Variants in ENPP1 observed in about 807,000 individuals in gnomAD.
The protein encoded by ENPP1 is ectonucleotide pyrophosphatase/phosphodiesterase family member 1.
ENPP1 carries 73 observed loss-of-function variants against 122.8 expected under a neutral mutation model. That is an observed-to-expected ratio of 0.59 (90% CI 0.49 to 0.72). The LOEUF is 0.72. Among genes scored for constraint, ENPP1 ranks in the 30% least tolerant of loss-of-function variants. The probability of loss-of-function intolerance (pLI) is 0.00; values close to 1 mark genes in which losing one functional copy is unlikely to be tolerated. For synonymous variants in ENPP1, 367 were observed against 391.6 expected, an observed-to-expected ratio of 0.94 and a Z score of 0.74; for missense variants, 978 against 1,128.1, an observed-to-expected ratio of 0.87 and a Z score of 1.91.
chr6:131,856,206 CTTTGAAG>C (rs911343145), intron 6 of ENPP1, among the ~76,000 whole-genome samples: 3 of 152,100 alleles, frequency 2.0e-5, no homozygotes, highest in Non-Finnish European at 2.9e-5. Context: ...GGCCTGTGGC[CTTTGAAG>C]TTTAAATACA....
intron 7 of ENPP1, 35 bp from the exon 8 acceptor site, chr6:131,860,352 C>G (rs201328341): frequency 1.3e-6 from 2 of 1,521,322 alleles, no homozygotes; most frequent in East Asian, 4.5e-5. Context: ...ATTAAGTAAA[C>G]ACAACTTGCA....
intron 13 of ENPP1, among the ~76,000 whole-genome samples, chr6:131,871,066 C>G (rs962475251): frequency 6.6e-6 from 1 of 151,498 alleles, no homozygotes; most frequent in African/African-American, 2.4e-5. Flanking sequence ...CAGAGAGAGA[C>G]TCCATCTAAA....
chr6:131,891,908 C>T lies in ENPP1; in HGVS notation c.*1397C>T, dbSNP rs562096055. ...TGTCTAATCTGTTCTGCTGTTGAGC[C>T]CATTTATTCCTGATTTTTATATTTT... On this transcript the variant is annotated 3_prime_UTR_variant, in exon 25 of 25. Transcript: ENST00000647893. 1.3e-5 allele frequency: 2 copies of T among 151,652 alleles called. No individual in the cohort carries two copies. Among genetic ancestry groups the T allele is most frequent in the South Asian group, 4.2e-4 (2 of 4,764 alleles). The allele number at this position is 151,652 out of a possible 1,614,324, so 9.4% of individuals were successfully genotyped here. A position where few individuals can be genotyped will look rare whatever the true frequency, so the allele number is the denominator to read the frequency against.
rs1311950918 is a variant in ENPP1, at chr6:131,892,396, C to T, written c.*1885C>T. On this transcript the variant is annotated 3_prime_UTR_variant, in exon 25 of 25. Transcript: ENST00000647893. ...TTTATACTGAGTAACAGGGTCCCCT[C>T]ATTACTACTGGGCAAGGTGAGAATT... 1 of 152,196 alleles carries T rather than the reference C, an allele frequency of 6.6e-6. No individual in the cohort carries two copies. Among genetic ancestry groups the T allele is most frequent in the Non-Finnish European group, 1.5e-5 (1 of 68,044 alleles). 9.4% of individuals were successfully genotyped at this position (152,196 alleles called of 1,614,324 possible).
Position 131,881,351 on chromosome 6 carries a change from A to T in ENPP1, c.2101-994A>T, listed in dbSNP as rs150866025. On this transcript the variant is annotated intron_variant, in intron 20 of 24. Coordinates refer to ENST00000647893, the MANE Select transcript of ENPP1 (RefSeq NM_006208.3). Reference sequence around the variant, plus strand: ...TTGACTTTGTAATTGATCAGTCTACACCATTTTTCATAGGCACCCCATCCT... The same window carrying T: ...TTGACTTTGTAATTGATCAGTCTACTCCATTTTTCATAGGCACCCCATCCT... Among the ~76,000 whole-genome samples the T allele has an allele frequency of 2.6e-5, 4 of 152,298 alleles. No homozygotes were observed. The East Asian group carries it at 7.7e-4, about 29-fold the overall frequency.
chr6:131,859,879 G>A (rs762771969), intron 7 of ENPP1, among the ~76,000 whole-genome samples: 1 of 152,180 alleles, frequency 6.6e-6, no homozygotes, highest in African/African-American at 2.4e-5. Context: ...AGGGAGTGAG[G>A]CCCTCAGCAA....
rs144762717 is a variant in ENPP1 at position 131,828,615 on chromosome 6, A to G, written c.241-19161A>G. ...TTTCCTGTCTTTGGCCACAGGGTCA[A>G]TGATGGATGAGGCTAATGAGTGTGG... On this transcript the variant is annotated intron_variant, in intron 1 of 24. Transcript: ENST00000647893. Among the ~76,000 whole-genome samples, 184 of 152,306 alleles carry G rather than the reference A, an allele frequency of 1.2e-3. 1 individual carries two copies. Among genetic ancestry groups the G allele is most frequent in the African/African-American group, 4.2e-3 (173 of 41,572 alleles).
intron 1 of ENPP1, among the ~76,000 whole-genome samples, chr6:131,837,381 C>A (rs1007698517): frequency 6.6e-6 from 1 of 151,792 alleles, no homozygotes; most frequent in Non-Finnish European, 1.5e-5. Context: ...CAAAACTTAG[C>A]CGGGTGTGGT....
At chr6:131,881,789 C>T (rs749612055) in intron 20 of ENPP1, among the ~76,000 whole-genome samples, 7 of 151,890 alleles carry the variant, frequency 4.6e-5, no homozygotes, top group South Asian at 2.1e-4. Context: ...GGGGCTGCAG[C>T]GGATGGATCA....
At chr6:131,849,031 T>C (rs1781847924) in intron 2 of ENPP1, among the ~76,000 whole-genome samples, 1 of 152,176 alleles carries the variant, frequency 6.6e-6, no homozygotes, top group African/African-American at 2.4e-5. Context: ...TTATTTTCCA[T>C]GTGTTCCTTT....
intron 18 of ENPP1, among the ~76,000 whole-genome samples, chr6:131,878,104 G>C (rs542268328): frequency 2.6e-5 from 4 of 151,522 alleles, no homozygotes; most frequent in African/African-American, 9.7e-5. Context: ...CATCAAAAAT[G>C]TAACTTCTGT....
Position 131,808,169 on chromosome 6 carries a change from C to T in ENPP1, c.134C>T (p.Ala45Val), listed in dbSNP as rs1393110344. The T allele has an allele frequency of 1.6e-5, 24 of 1,459,844 alleles. No individual in the cohort carries two copies. The highest frequency in any genetic ancestry group is 3.0e-5 in the East Asian group (1 of 33,490). The allele number at this position is 1,459,844 out of a possible 1,614,324, so 90.4% of individuals were successfully genotyped here. Reference protein sequence around the residue: ...HAAEAPGDPQAAASLLAPMDV... With the variant: ...HAAEAPGDPQVAASLLAPMDV... ...GCCGAGGCGCCCGGGGACCCGCAGG[C>T]GGCCGCGTCCTTGCTGGCCCCTATG... Residue 45 changes from alanine to valine, a missense_variant, in exon 1 of 25, where the codon GCG (alanine) becomes GTG (valine). Ala to Val is a moderately conservative substitution (Grantham distance 64). Coordinates refer to ENST00000647893, the MANE Select transcript of ENPP1 (RefSeq NM_006208.3).
intron 1 of ENPP1, 30 bp from the exon 2 acceptor site, chr6:131,847,746 A>G: frequency 6.9e-7 from 1 of 1,453,532 alleles, no homozygotes; most frequent in Non-Finnish European, 9.6e-7. Context: ...TAAAAAAGAA[A>G]CCATGTAATT....
At position 131,826,056 on chromosome 6, in the gene ENPP1, A is replaced by C. The variant is rs1187594819; in HGVS notation, c.240+17781A>C. 4 of 768,124 alleles carry C rather than the reference A, an allele frequency of 5.2e-6. No homozygotes were observed. The East Asian group carries it at 9.8e-5, about 19-fold the overall frequency. 47.6% of individuals were successfully genotyped at this position (768,124 alleles called of 1,614,324 possible). A position where few individuals can be genotyped will look rare whatever the true frequency, so the allele number is the denominator to read the frequency against. ...GAGTATTGAGCAAATTCTCTTCAAC[A>C]ATCAGACAGCTCTGCTTTAGGGACT... is the stretch of plus-strand genomic sequence containing the variant. On this transcript the variant is annotated intron_variant, in intron 1 of 24. Coordinates refer to ENST00000647893, the MANE Select transcript of ENPP1 (RefSeq NM_006208.3).
At chr6:131,838,172 G>A (rs901234166) in intron 1 of ENPP1, among the ~76,000 whole-genome samples, 1 of 152,052 alleles carries the variant, frequency 6.6e-6, no homozygotes, top group Non-Finnish European at 1.5e-5. Flanking sequence ...AGCTATTAGA[G>A]AAAATAAGAC....
chr6:131,856,599 C>G (rs969150141), intron 6 of ENPP1, among the ~76,000 whole-genome samples: 1 of 143,688 alleles, frequency 7.0e-6, no homozygotes, highest in Non-Finnish European at 1.5e-5. Flanking sequence ...CCTAGGTTTT[C>G]TTCTAGGGTT....
At chr6:131,819,964 T>C in intron 1 of ENPP1, 1 of 551,120 alleles carries the variant, frequency 1.8e-6, no homozygotes, top group South Asian at 1.6e-5. Flanking sequence ...CGCATCTTGC[T>C]GAAGCAGAGT....
Position 131,864,947 on chromosome 6 carries a change from AT to A in ENPP1, c.1164+14del. On this transcript the variant is annotated intron_variant, in intron 11 of 24. Transcript: ENST00000647893. ...GACCAGTCAGCAGTGAAGTAAGTACATTTTTATCAGTAATTATTTCATTAAA... is the reference window on the plus strand; with the variant it reads ...GACCAGTCAGCAGTGAAGTAAGTACATTTTATCAGTAATTATTTCATTAAA... 6.5e-7 allele frequency: 1 copy of A among 1,534,924 alleles called. No individual in the cohort carries two copies. Among genetic ancestry groups the A allele is most frequent in the South Asian group, 1.1e-5 (1 of 89,506 alleles).
chr6:131,833,006 T>C (rs1466975435), intron 1 of ENPP1, among the ~76,000 whole-genome samples: 1 of 152,252 alleles, frequency 6.6e-6, no homozygotes. Context: ...TTTTTGCAAT[T>C]CCAAACACTG....
Sources: allele counts gnomAD v4.1 joint callset (sites outside exome capture counted in the v4.1 genomes callset), GRCh38; gene constraint gnomAD v4.1.1; transcripts MANE v1.5; gene names NCBI Gene and HGNC (gene_info 2026-07-23, HGNC 2026-07-21).